PSG3: variants seen among roughly 807,000 people sequenced by gnomAD.
PSG3 encodes the protein pregnancy-specific beta-1-glycoprotein 3.
PSG3 carries 61 observed loss-of-function variants against 47.5 expected under a neutral mutation model. The ratio of observed to expected loss-of-function variants is 1.28; its 90% confidence interval spans 1.05 to 1.59. The LOEUF (loss-of-function observed/expected upper bound fraction) is 1.59, where lower values mean the gene tolerates loss of function less well. Ranked by LOEUF, PSG3 falls within the 40% of genes most tolerant of loss-of-function variation. The pLI is 0.00. For synonymous variants in PSG3, 263 were observed against 198.4 expected (o/e 1.33, Z -2.74); for missense variants, 756 against 524.0 (o/e 1.44, Z -4.32).
At chr19:42,722,198 T>C (rs566490287) in intron 6 of PSG3, 108 bp from the exon 7 acceptor site, 1 of 398,520 alleles carries the variant, frequency 2.5e-6, no homozygotes, top group East Asian at 3.6e-5. Flanking sequence ...CATATGACAC[T>C]ATGATAACAT....
intron 3 of PSG3, among the ~76,000 whole-genome samples, chr19:42,730,742 T>C (rs377336512): frequency 4.3e-4 from 66 of 152,346 alleles, no homozygotes; most frequent in Non-Finnish European, 7.6e-4. Context: ...AGAGTGAAGG[T>C]GACAGGCAAG....
In PSG3 at chr19:42,733,030, T is replaced by C. The variant is rs374983782; in HGVS notation, c.463A>G (p.Asn155Asp). The change falls in exon 3 of 7, where the codon AAC becomes GAC. Residue 155 changes from asparagine (N) to aspartate (D), a missense_variant. Physicochemically the swap from Asn to Asp is conservative, Grantham distance 23. Coordinates refer to ENST00000327495, the MANE Select transcript of PSG3 (RefSeq NM_021016.4). Reference protein sequence around the residue: ...ETPKPSISSSNLYPREDMEAV... With the variant: ...ETPKPSISSSDLYPREDMEAV... ...TCCATGTCCTCCCTGGGGTATAAGT[T>C]GCTGCTGGAGATGGAGGGCTTGGGA... 6.2e-7 allele frequency: 1 copy of C among 1,614,014 alleles called. No individual in the cohort carries two copies. Among genetic ancestry groups the C allele is most frequent in the Non-Finnish European group, 8.5e-7 (1 of 1,180,026 alleles).
At chr19:42,726,642 C>T (rs2122165098) in intron 5 of PSG3, among the ~76,000 whole-genome samples, 1 of 152,166 alleles carries the variant, frequency 6.6e-6, no homozygotes, top group South Asian at 2.1e-4. Context: ...TGAAAGATGA[C>T]ATCAATAAAT....
chr19:42,729,314 T>A lies in PSG3; in HGVS notation c.1052A>T (p.Tyr351Phe). The A allele has an allele frequency of 6.2e-7, 1 of 1,614,092 alleles. No homozygotes were observed. The highest frequency in any genetic ancestry group is 8.5e-7 in the Non-Finnish European group (1 of 1,179,966). The change falls in exon 5 of 7, where the codon TAC (tyrosine) becomes TTC (phenylalanine). Residue 351 changes from tyrosine (Y) to phenylalanine (F), a missense_variant. Physicochemically the swap from Tyr to Phe is conservative, Grantham distance 22 (BLOSUM62 3). Transcript: ENST00000327495. Reference protein sequence around the residue: ...FTYYHSGENLYLSCFADSNPP... With the variant: ...FTYYHSGENLFLSCFADSNPP... The stretch of plus-strand genomic sequence containing the variant: ...GTTAGAGTCCGCGAAGCAGGACAAG[T>A]AGAGGTTTTCTCCTGAATGGTAATA...
intron 2 of PSG3, among the ~76,000 whole-genome samples, chr19:42,738,449 A>T (rs1158407449): frequency 2.0e-5 from 3 of 152,200 alleles, no homozygotes; most frequent in Admixed American, 1.3e-4. Flanking sequence ...TGAAGAGAGC[A>T]TGAGGTGCTT....
chr19:42,728,098 G>T (rs17341685), intron 5 of PSG3, among the ~76,000 whole-genome samples: 1 of 152,180 alleles, frequency 6.6e-6, no homozygotes, highest in African/African-American at 2.4e-5. Flanking sequence ...AAGTAGAATG[G>T]TGGGTGCTAA....
intron 5 of PSG3, 160 bp downstream of exon 5, chr19:42,728,963 G>T: frequency 6.5e-7 from 1 of 1,547,164 alleles, no homozygotes; most frequent in Non-Finnish European, 8.7e-7. Context: ...GGAGAAGAGA[G>T]TCTGTAGAGA....
In PSG3 at chr19:42,726,022, C is replaced by T. The variant is rs532011449; in HGVS notation, c.1244-1997G>A. 6.6e-5 allele frequency among the ~76,000 whole-genome samples: 10 copies of T among 151,598 alleles called. No homozygotes were observed. In the East Asian group the frequency reaches 1.5e-3, roughly 23 times the overall value. ...GATAACCTAGATGAAGTAGACAAAC[C>T]CCTAGAAACACACAAAAATATGAAT... On this transcript the variant is annotated intron_variant, in intron 5 of 6. Coordinates refer to ENST00000327495, the MANE Select transcript of PSG3 (RefSeq NM_021016.4).
chr19:42,725,890 C>CAAAAAAAAAAAAAAAAA lies in PSG3; in HGVS notation c.1244-1882_1244-1866dup, dbSNP rs200684147. On this transcript the variant is annotated intron_variant, in intron 5 of 6. Coordinates refer to ENST00000327495, the MANE Select transcript of PSG3 (RefSeq NM_021016.4). ...TCTCTCTCTCTTCAACAACAACAAC[C>CAAAAAAAAAAAAAAAAA]AAAAAAAAAAAAAAAAAAAGAAAAA... 2.9e-3 allele frequency among the ~76,000 whole-genome samples: 196 copies of CAAAAAAAAAAAAAAAAA among 67,952 alleles called. 1 individual carries two copies. Among genetic ancestry groups the CAAAAAAAAAAAAAAAAA allele is most frequent in the African/African-American group, 0.011 (171 of 15,982 alleles). The allele number at this position is 67,952 out of a possible 152,430, so 44.6% of individuals were successfully genotyped here.
chr19:42,725,722 C>G (rs888135603), intron 5 of PSG3, among the ~76,000 whole-genome samples: 48 of 151,618 alleles, frequency 3.2e-4, no homozygotes, highest in Non-Finnish European at 4.4e-4. Flanking sequence ...CAATTAGCTG[C>G]GCATGGTGAC....
In PSG3 at chr19:42,733,081, G is replaced by T; in HGVS notation, c.431-19C>A. ...GTCTCCACTGTGCAGAAAACAGAGAGAAGATTGCCCTGTGTGGCACCTTTG... is the reference window on the plus strand; with the variant it reads ...GTCTCCACTGTGCAGAAAACAGAGATAAGATTGCCCTGTGTGGCACCTTTG... On this transcript the variant is annotated intron_variant, in intron 2 of 6. Coordinates refer to ENST00000327495, the MANE Select transcript of PSG3 (RefSeq NM_021016.4). The T allele has an allele frequency of 1.2e-6, 2 of 1,610,974 alleles. No individual in the cohort carries two copies. Among genetic ancestry groups the T allele is most frequent in the Non-Finnish European group, 1.7e-6 (2 of 1,178,136 alleles).
chr19:42,729,531 T>G (rs1243411483), intron 4 of PSG3, among the ~76,000 whole-genome samples, 154 bp from the exon 5 acceptor site: 1 of 152,218 alleles, frequency 6.6e-6, no homozygotes. Context: ...GCCTGAGGTA[T>G]TCCCCTGTTT....
In PSG3 at chr19:42,729,851, T is replaced by C. The variant is rs972461248; in HGVS notation, c.915A>G (p.Thr305=). The C allele has an allele frequency of 1.9e-6, 3 of 1,613,352 alleles. No homozygotes were observed. Among genetic ancestry groups the C allele is most frequent in the South Asian group, 1.1e-5 (1 of 91,050 alleles). ...CCTGTATTTCACATTGATAGGGTCCTGTTTCATTTCTCGTGACACTGGGTA... is the reference window on the plus strand; with the variant it reads ...CCTGTATTTCACATTGATAGGGTCCCGTTTCATTTCTCGTGACACTGGGTA... ...LILPSVTRNE[T]GPYQCEIQDR... Residue 305 remains threonine (T), a synonymous_variant, in exon 4 of 7, where the codon ACA becomes ACG. Transcript: ENST00000327495.
intron 6 of PSG3, among the ~76,000 whole-genome samples, chr19:42,722,736 C>T (rs11879250): frequency 0.03 from 4,540 of 151,900 alleles, 230 homozygotes; most frequent in African/African-American, 0.1. Context: ...ATAAATAGGG[C>T]CAAAAAAGTA....
intron 6 of PSG3, among the ~76,000 whole-genome samples, chr19:42,723,683 G>A (rs1330952976): frequency 6.6e-6 from 1 of 152,242 alleles, no homozygotes; most frequent in African/African-American, 2.4e-5. Context: ...TTCACCATGT[G>A]AAATTGTGTT....
At position 42,724,032 on chromosome 19, in the gene PSG3, T is replaced by A. The variant is rs1207288849; in HGVS notation, c.1244-7A>T. The A allele has an allele frequency of 6.2e-7, 1 of 1,609,372 alleles. No homozygotes were observed. On this transcript the variant is annotated splice_region_variant and splice_polypyrimidine_tract_variant and intron_variant, in intron 5 of 6. Transcript: ENST00000327495. The stretch of plus-strand genomic sequence containing the variant: ...TGTCCTGTTCCTGAAGGAGCTGTCA[T>A]GGAAAAAAAAGAAAAGAAGGAATGA...
intron 2 of PSG3, among the ~76,000 whole-genome samples, chr19:42,738,084 G>A (rs1358630653): frequency 1.3e-5 from 2 of 152,104 alleles, no homozygotes; most frequent in East Asian, 3.9e-4. Flanking sequence ...GCCTCCTAAG[G>A]CAGTTGTCTG....
At chr19:42,739,444 C>A (rs973913113) in intron 1 of PSG3, 7 of 252,276 alleles carry the variant, frequency 2.8e-5, no homozygotes, top group East Asian at 8.9e-5. Context: ...CCTTCAGAGA[C>A]CCTGGGTCTT....
chr19:42,730,996 A>G (rs536737132), intron 3 of PSG3, among the ~76,000 whole-genome samples: 1 of 152,362 alleles, frequency 6.6e-6, no homozygotes, highest in Non-Finnish European at 1.5e-5. Flanking sequence ...ATTTTCTTTC[A>G]TTGGACATTC....
Sources: allele counts gnomAD v4.1 joint callset (sites outside exome capture counted in the v4.1 genomes callset), GRCh38; gene constraint gnomAD v4.1.1; transcripts MANE v1.5; gene names NCBI Gene and HGNC (gene_info 2026-07-23, HGNC 2026-07-21).